Variants in LTF observed in about 807,000 individuals in gnomAD.
LTF encodes the protein lactotransferrin, also known as epididymis luminal protein 110.
LTF carries 91 observed loss-of-function variants against 87.2 expected under a neutral mutation model. The ratio of observed to expected loss-of-function variants is 1.04; its 90% CI spans 0.88 to 1.24. The LOEUF (loss-of-function observed/expected upper bound fraction) is 1.24. Among genes scored for constraint, LTF ranks in the 50% most tolerant of loss-of-function variants. The pLI is 0.00. For synonymous variants in LTF, 378 were observed against 356.1 expected (o/e 1.06, Z -0.69); for missense variants, 901 against 904.3 (o/e 1.00, Z 0.05).
At chr3:46,438,826 C>T (rs896817142) in intron 15 of LTF, among the ~76,000 whole-genome samples, 1 of 152,148 alleles carries the variant, frequency 6.6e-6, no homozygotes, top group South Asian at 2.1e-4. Context: ...TTTGGGATTT[C>T]GTTCAAATCA....
chr3:46,476,512 GACAATATTT>G (rs1479812774), intron 1 of LTF, among the ~76,000 whole-genome samples: 1 of 152,116 alleles, frequency 6.6e-6, no homozygotes, highest in African/African-American at 2.4e-5. Context: ...GTCTGTAAAT[GACAATATTT>G]GTCTTTTAAA....
chr3:46,439,848 G>T (rs1351703418), intron 14 of LTF, among the ~76,000 whole-genome samples: 2 of 152,120 alleles, frequency 1.3e-5, no homozygotes, highest in South Asian at 2.1e-4. Flanking sequence ...GGCCAAGGTG[G>T]GAGAATCACT....
At chr3:46,459,266 T>A (rs1397432740) in intron 2 of LTF, among the ~76,000 whole-genome samples, 3 of 152,390 alleles carry the variant, frequency 2.0e-5, no homozygotes, top group East Asian at 3.9e-4. Flanking sequence ...GTGGCAACGG[T>A]GACCAGGACA....
At chr3:46,478,698 C>A (rs944753802) in intron 1 of LTF, among the ~76,000 whole-genome samples, 2 of 152,150 alleles carry the variant, frequency 1.3e-5, no homozygotes, top group Non-Finnish European at 2.9e-5. Context: ...GTAGATGAAG[C>A]AGAACCTGAT....
At chr3:46,468,441 A>C, upstream of LTF, 1 of 416,870 alleles carries the variant, frequency 2.4e-6, no homozygotes, top group South Asian at 1.8e-5. Context: ...TTCAACAGGC[A>C]GATGTGTGAG....
chr3:46,464,284 A>T (rs1373851784), intron 1 of LTF, among the ~76,000 whole-genome samples: 1 of 151,984 alleles, frequency 6.6e-6, no homozygotes, highest in African/African-American at 2.4e-5. Flanking sequence ...CATCAGGAGC[A>T]CCGCACCCCT....
chr3:46,454,910 A>G (rs1290687948), intron 5 of LTF, among the ~76,000 whole-genome samples: 1 of 152,210 alleles, frequency 6.6e-6, no homozygotes, highest in Admixed American at 6.5e-5. Context: ...GTCCTGCCCA[A>G]CCAGGAGCCA....
intron 16 of LTF, among the ~76,000 whole-genome samples, chr3:46,436,988 GAA>G (rs879691857): frequency 3.1e-4 from 47 of 152,192 alleles, no homozygotes; most frequent in Non-Finnish European, 4.0e-4. Flanking sequence ...CCCCTCAGGG[GAA>G]AAATTGTCTC....
intron 14 of LTF, among the ~76,000 whole-genome samples, chr3:46,440,303 C>A (rs1471140764): frequency 6.6e-6 from 1 of 152,108 alleles, no homozygotes; most frequent in African/African-American, 2.4e-5. Flanking sequence ...TTGGTTTCTC[C>A]TCCCTTTCAT....
intron 4 of LTF, 24 bp from the exon 5 acceptor site, chr3:46,455,466 C>T (rs1476025277): frequency 6.2e-7 from 1 of 1,614,018 alleles, no homozygotes; most frequent in South Asian, 1.1e-5. Flanking sequence ...AGAAGTGGAC[C>T]ACAGAGTGTG....
intron 7 of LTF, 47 bp from the exon 8 acceptor site, chr3:46,450,075 G>A (rs748650024): frequency 7.0e-7 from 1 of 1,425,470 alleles, no homozygotes; most frequent in Admixed American, 2.2e-5. Flanking sequence ...AAATAGGGAG[G>A]AAACAAAAAA....
Position 46,445,387 on chromosome 3 carries a change from C to T in LTF, c.1407G>A (p.Trp469Ter), listed in dbSNP as rs372767652. 4 of 1,613,812 alleles carry T rather than the reference C, an allele frequency of 2.5e-6. No individual in the cohort carries two copies. The African/African-American group carries it at 5.3e-5, about 22-fold the overall frequency. ...AGGACTTCTTGCCTTTCACAGAGTT[C>T]CAGGTAAGGCTAGTGTCTGATCTCC... ...VVRRSDTSLT[W>*]NSVKGKKSCH... The change falls in exon 12 of 17, where the codon TGG becomes TGA. Residue 469 changes from tryptophan (W) to a stop codon, truncating the protein, a stop_gained. Coordinates refer to ENST00000231751, the MANE Select transcript of LTF (RefSeq NM_002343.6). LOFTEE classifies it high-confidence loss of function.
intron 4 of LTF, 115 bp from the exon 5 acceptor site, chr3:46,455,557 G>C: frequency 1.5e-6 from 2 of 1,334,028 alleles, no homozygotes; most frequent in Non-Finnish European, 2.1e-6. Context: ...CCCTGCAGGA[G>C]AGACTCTGTC....
rs113405101 is a variant in LTF, at chr3:46,447,312, G to T, written c.1299C>A (p.Asn433Lys). The T allele has an allele frequency of 6.2e-7, 1 of 1,613,578 alleles. No individual in the cohort carries two copies. Among genetic ancestry groups the T allele is most frequent in the African/African-American group, 1.3e-5 (1 of 74,926 alleles). The change falls in exon 10 of 17, where the codon AAC (asparagine) becomes AAA (lysine). Residue 433 changes from asparagine to lysine, a missense_variant. Asn to Lys is a moderately conservative substitution (Grantham distance 94, BLOSUM62 0). Transcript: ENST00000231751. The part of the protein sequence containing the change: ...KCGLVPVLAE[N>K]YKSQQSSDPD... ...GAGGATGCTAACTCCACTTACTGTA[G>T]TTCTCTGCCAGGACAGGCACCAAAC... is the stretch of plus-strand genomic sequence containing the variant.
chr3:46,475,613 C>G (rs1424785107), intron 1 of LTF, among the ~76,000 whole-genome samples: 5 of 151,588 alleles, frequency 3.3e-5, no homozygotes, highest in African/African-American at 1.2e-4. Context: ...CAAGGCATTA[C>G]CATGGGAACC....
At chr3:46,445,906 C>G (rs1702641547) in intron 11 of LTF, among the ~76,000 whole-genome samples, 2 of 152,240 alleles carry the variant, frequency 1.3e-5, no homozygotes, top group Non-Finnish European at 2.9e-5. Context: ...AGTCTGAACC[C>G]ACCCTGCACT....
chr3:46,448,819 C>T, intron 9 of LTF, 44 bp downstream of exon 9: 4 of 1,601,116 alleles, frequency 2.5e-6, no homozygotes, highest in Non-Finnish European at 3.4e-6. Flanking sequence ...GGCCCTAGGT[C>T]TTCCACCGGG....
At chr3:46,459,612 C>G in intron 2 of LTF, 44 bp downstream of exon 2, 1 of 1,370,974 alleles carries the variant, frequency 7.3e-7, no homozygotes, top group African/African-American at 1.5e-5. Flanking sequence ...TTCTCTCTCC[C>G]TTCCATTCAG....
chr3:46,475,843 C>G (rs1703354078), intron 1 of LTF, among the ~76,000 whole-genome samples: 2 of 152,164 alleles, frequency 1.3e-5, no homozygotes, highest in Non-Finnish European at 2.9e-5. Context: ...CTCTGCTCAA[C>G]CCCACACCAT....
Sources: allele counts gnomAD v4.1 joint callset (sites outside exome capture counted in the v4.1 genomes callset), GRCh38; gene constraint gnomAD v4.1.1; transcripts MANE v1.5; gene names NCBI Gene and HGNC (gene_info 2026-07-23, HGNC 2026-07-21).